Variants in BNC1 observed in about 807,000 individuals in gnomAD.
BNC1 encodes the protein basonuclin zinc finger protein 1.
A neutral mutation model predicts 66.5 loss-of-function variants in BNC1; 8 were observed. That is an observed-to-expected ratio of 0.12 (90% CI 0.07 to 0.22). BNC1 has a LOEUF of 0.22. Among genes scored for constraint, BNC1 ranks in the 10% least tolerant of loss-of-function variants. The pLI is 1.00. For missense variants in BNC1, 1,069 were observed against 1,241.3 expected (o/e 0.86, Z 2.09); for synonymous variants, 454 against 452.6 (o/e 1.00, Z -0.04).
chr15:83,271,715 T>C (rs572085380), intron 1 of BNC1, among the ~76,000 whole-genome samples: 7 of 152,136 alleles, frequency 4.6e-5, no homozygotes, highest in Admixed American at 3.3e-4. Context: ...TAAGAAAAAA[T>C]GTCTAAAATC....
intron 1 of BNC1, among the ~76,000 whole-genome samples, chr15:83,270,324 G>A (rs1204602122): frequency 2.0e-5 from 3 of 152,194 alleles, no homozygotes; most frequent in African/African-American, 7.2e-5. Flanking sequence ...TAATATGGTA[G>A]ACACATGTTT....
chr15:83,270,817 A>G (rs747520915), intron 1 of BNC1, among the ~76,000 whole-genome samples: 26 of 152,354 alleles, frequency 1.7e-4, no homozygotes, highest in Middle Eastern at 3.4e-3. Context: ...TTTGAAGCAC[A>G]GAAGTTTCAA....
At chr15:83,283,222 T>C (rs1364733138) in intron 1 of BNC1, 1 of 1,535,672 alleles carries the variant, frequency 6.5e-7, no homozygotes, top group Non-Finnish European at 8.7e-7. Context: ...TTTGTGAAAG[T>C]TTGGCTCGGA....
intron 4 of BNC1, 108 bp from the exon 5 acceptor site, chr15:83,258,234 G>T: frequency 8.5e-7 from 1 of 1,172,332 alleles, no homozygotes; most frequent in Non-Finnish European, 1.2e-6. Flanking sequence ...TGGTATGGGA[G>T]CACCGATGAT....
intron 1 of BNC1, among the ~76,000 whole-genome samples, chr15:83,284,256 C>G (rs1301656124): frequency 6.6e-6 from 1 of 152,044 alleles, no homozygotes; most frequent in Non-Finnish European, 1.5e-5. Flanking sequence ...CCGGCACCTC[C>G]GACGCGCCCG....
chr15:83,284,310 C>G (rs947058409), intron 1 of BNC1, among the ~76,000 whole-genome samples: 2 of 151,854 alleles, frequency 1.3e-5, no homozygotes, highest in African/African-American at 4.8e-5. Context: ...GGACGTCGGG[C>G]AGGGACGGGT....
chr15:83,283,404 C>T (rs2038404339), intron 1 of BNC1: 1 of 1,284,746 alleles, frequency 7.8e-7, no homozygotes, highest in Non-Finnish European at 9.8e-7. Flanking sequence ...CCTCCTTCTC[C>T]GCCCGCGGCC....
chr15:83,273,723 G>T (rs1377501546), intron 1 of BNC1, among the ~76,000 whole-genome samples: 1 of 152,122 alleles, frequency 6.6e-6, no homozygotes. Context: ...GCACGCTCCT[G>T]GACCCACTTG....
chr15:83,261,522 A>G (rs2038140233), intron 4 of BNC1, among the ~76,000 whole-genome samples: 1 of 152,218 alleles, frequency 6.6e-6, no homozygotes, highest in Non-Finnish European at 1.5e-5. Flanking sequence ...ATTCCATTTC[A>G]TCAGGCAGCT....
intron 1 of BNC1, among the ~76,000 whole-genome samples, chr15:83,280,683 A>G (rs1028945686): frequency 1.3e-5 from 2 of 152,214 alleles, no homozygotes; most frequent in South Asian, 4.1e-4. Flanking sequence ...AATGCAAGAA[A>G]CAATTAGAGG....
chr15:83,283,813 A>G (rs2151441671), intron 1 of BNC1, among the ~76,000 whole-genome samples: 1 of 152,354 alleles, frequency 6.6e-6, no homozygotes, highest in South Asian at 2.1e-4. Flanking sequence ...CACACGGTCA[A>G]CGCTCGGTCT....
At chr15:83,261,689 TGA>T (rs1323134456) in intron 4 of BNC1, among the ~76,000 whole-genome samples, 1 of 152,196 alleles carries the variant, frequency 6.6e-6, no homozygotes, top group Non-Finnish European at 1.5e-5. Context: ...CCCACGGTGA[TGA>T]GATATGCTCT....
Position 83,284,567 on chromosome 15 carries a change from C to T in BNC1, c.62G>A (p.Arg21Gln). 1 of 1,091,374 alleles carries T rather than the reference C, an allele frequency of 9.2e-7. No homozygotes were observed. The highest frequency in any genetic ancestry group is 1.1e-6 in the Non-Finnish European group (1 of 899,214). 67.6% of individuals were successfully genotyped at this position (1,091,374 alleles called of 1,614,324 possible). The change falls in exon 1 of 5, where the codon CGG becomes CAG. Residue 21 changes from arginine (R) to glutamine (Q), a missense_variant. Physicochemically the swap from Arg to Gln is conservative, Grantham distance 43. Coordinates refer to ENST00000345382, the MANE Select transcript of BNC1 (RefSeq NM_001717.4). ...GCGACCGCTGCGGTGCCGGGGCTGC[C>T]GGCGCGTCTCCCGGGCCCGGGCCGC... ...RGAARARETR[R>Q]QPRHRSGRRM... is the part of the protein sequence containing the mutation.
At chr15:83,275,363 G>C (rs2038309304) in intron 1 of BNC1, among the ~76,000 whole-genome samples, 1 of 152,148 alleles carries the variant, frequency 6.6e-6, no homozygotes, top group South Asian at 2.1e-4. Context: ...AGGCGTGGTG[G>C]CGCATGCCTG....
At chr15:83,278,166 C>T (rs1158586009) in intron 1 of BNC1, among the ~76,000 whole-genome samples, 1 of 152,198 alleles carries the variant, frequency 6.6e-6, no homozygotes, top group Admixed American at 6.5e-5. Flanking sequence ...CTTTAGCTGA[C>T]CTTGAGAAAC....
In BNC1 at chr15:83,263,673, T is replaced by C; in HGVS notation, c.1578A>G (p.Glu526=). 1 of 1,614,188 alleles carries C rather than the reference T, an allele frequency of 6.2e-7. No individual in the cohort carries two copies. Among genetic ancestry groups the C allele is most frequent in the Non-Finnish European group, 8.5e-7 (1 of 1,180,032 alleles). The stretch of plus-strand genomic sequence containing the variant: ...TCTTGGGAAGGGCATCAAATGGCAT[T>C]TCGTTTGAAATGAGCTGTTCTGGGA... The part of the protein sequence containing the change: ...SSIPEQLISN[E]MPFDALPKKK... Residue 526 remains glutamate, a synonymous_variant, in exon 4 of 5, where the codon GAA becomes GAG. Coordinates refer to ENST00000345382, the MANE Select transcript of BNC1 (RefSeq NM_001717.4).
intron 1 of BNC1, among the ~76,000 whole-genome samples, chr15:83,270,966 A>T (rs576731176): frequency 6.6e-6 from 1 of 152,314 alleles, no homozygotes; most frequent in African/African-American, 2.4e-5. Flanking sequence ...TGTCAATTAC[A>T]TCTCAATAAA....
chr15:83,269,585 G>A (rs2038250351), intron 1 of BNC1, among the ~76,000 whole-genome samples: 1 of 152,164 alleles, frequency 6.6e-6, no homozygotes, highest in Non-Finnish European at 1.5e-5. Flanking sequence ...TTCATTTTAA[G>A]GAGTATATGA....
intron 2 of BNC1, among the ~76,000 whole-genome samples, chr15:83,267,501 AC>A (rs1371930371): frequency 6.6e-6 from 1 of 151,816 alleles, no homozygotes; most frequent in Non-Finnish European, 1.5e-5. Flanking sequence ...TAACAAATTA[AC>A]CCCCCTAAGG....
Sources: gnomAD v4.1 joint callset for allele counts (sites outside exome capture counted in the v4.1 genomes callset) on GRCh38, gnomAD v4.1.1 for gene constraint, MANE v1.5 for transcripts, NCBI Gene and HGNC (gene_info 2026-07-23, HGNC 2026-07-21) for gene names.